The following SMPDL3A variants were observed in gnomAD, a reference collection of about 807,000 sequenced individuals.
SMPDL3A encodes cyclic GMP-AMP phosphodiesterase SMPDL3A.
Under a neutral mutation model 38.5 loss-of-function variants are expected in SMPDL3A, and 39 were observed. The observed-to-expected ratio is 1.01, with a 90% CI of 0.78 to 1.32. The LOEUF (loss-of-function observed/expected upper bound fraction) is 1.32, where lower values mean the gene tolerates loss of function less well. Among genes scored for constraint, SMPDL3A ranks in the 40% most tolerant of loss-of-function variants. The probability of loss-of-function intolerance (pLI) is 0.00; values close to 1 mark genes in which losing one functional copy is unlikely to be tolerated. For synonymous variants in SMPDL3A, 180 were observed against 194.3 expected (o/e 0.93, Z 0.61); for missense variants, 502 against 536.2 (o/e 0.94, Z 0.63).
At chr6:122,793,834 C>G (rs1488528470) in intron 1 of SMPDL3A, among the ~76,000 whole-genome samples, 1 of 152,100 alleles carries the variant, frequency 6.6e-6, no homozygotes, top group East Asian at 1.9e-4. Context: ...GGGTTTTATT[C>G]AGTTGTAACA....
At chr6:122,789,501 G>C (rs1202012913) in intron 1 of SMPDL3A, 43 bp downstream of exon 1, 2 of 1,482,894 alleles carry the variant, frequency 1.3e-6, no homozygotes, top group Non-Finnish European at 1.8e-6. Context: ...GGCAAAGAGC[G>C]CGGAGCGGCG....
chr6:122,789,659 C>G (rs1780999895), intron 1 of SMPDL3A: 1 of 311,340 alleles, frequency 3.2e-6, no homozygotes, highest in South Asian at 1.3e-4. Flanking sequence ...GGGCGTCCAG[C>G]CGGGAGGCCG....
At chr6:122,807,280 C>T (rs1006450279) in intron 7 of SMPDL3A, among the ~76,000 whole-genome samples, 8 of 152,108 alleles carry the variant, frequency 5.3e-5, no homozygotes, top group African/African-American at 1.9e-4. Flanking sequence ...GGGTGGATCA[C>T]GAGGTCAGGA....
intron 6 of SMPDL3A, among the ~76,000 whole-genome samples, chr6:122,805,592 C>T (rs932668540): frequency 6.6e-6 from 1 of 152,192 alleles, no homozygotes; most frequent in Non-Finnish European, 1.5e-5. Context: ...ATGTACTCAA[C>T]ACTCACATTC....
intron 1 of SMPDL3A, 39 bp downstream of exon 1, chr6:122,789,497 G>C: frequency 1.3e-6 from 2 of 1,500,578 alleles, no homozygotes; most frequent in East Asian, 2.5e-5. Context: ...AGCCGGCAAA[G>C]AGCGCGGAGC....
intron 2 of SMPDL3A, 65 bp from the exon 3 acceptor site, chr6:122,796,759 A>T (rs1194972106): frequency 1.4e-6 from 2 of 1,401,756 alleles, no homozygotes; most frequent in East Asian, 4.6e-5. Context: ...GCAACGCATC[A>T]TGCATAAGTC....
Position 122,804,916 on chromosome 6 carries a change from T to TCATA in SMPDL3A, c.747_750dup (p.Ala251HisfsTer23), listed in dbSNP as rs1207725959. Reference sequence around the variant, plus strand: ...TTGTGTTTCTTTTTCCAGGTGTATATCATAGCACATGTTCCAGTGGGGTAT... The same window carrying TCATA: ...TTGTGTTTCTTTTTCCAGGTGTATATCATACATAGCACATGTTCCAGTGGGGTAT... On this transcript the variant is annotated frameshift_variant, in exon 6 of 8. Coordinates refer to ENST00000368440, the MANE Select transcript of SMPDL3A (RefSeq NM_006714.5). LOFTEE classifies it high-confidence loss of function. 6.2e-7 allele frequency: 1 copy of TCATA among 1,611,024 alleles called. No individual in the cohort carries two copies. Among genetic ancestry groups the TCATA allele is most frequent in the African/African-American group, 1.3e-5 (1 of 74,938 alleles).
intron 1 of SMPDL3A, among the ~76,000 whole-genome samples, chr6:122,790,089 G>A (rs187769559): frequency 2.4e-3 from 372 of 152,240 alleles, no homozygotes; most frequent in Middle Eastern, 0.01. Context: ...CTGCGGGCGG[G>A]ACCCATTTTA....
At chr6:122,806,464 G>A in intron 7 of SMPDL3A, 107 bp downstream of exon 7, 3 of 1,109,784 alleles carry the variant, frequency 2.7e-6, no homozygotes, top group Admixed American at 2.3e-5. Flanking sequence ...TGTATTTTAT[G>A]TTGAAATCTC....
intron 4 of SMPDL3A, 116 bp from the exon 5 acceptor site, chr6:122,803,548 C>T (rs907288569): frequency 4.2e-6 from 3 of 722,408 alleles, no homozygotes; most frequent in South Asian, 3.8e-5. Context: ...GCAAACTAAA[C>T]AATGAGAAAT....
chr6:122,794,231 C>T (rs980379199), intron 1 of SMPDL3A, among the ~76,000 whole-genome samples: 4 of 152,038 alleles, frequency 2.6e-5, no homozygotes, highest in African/African-American at 9.7e-5. Context: ...TATCACAGTG[C>T]CTGGCACATA....
chr6:122,789,525 G>A (rs1780991658), intron 1 of SMPDL3A, 67 bp downstream of exon 1: 1 of 1,359,312 alleles, frequency 7.4e-7, no homozygotes. Flanking sequence ...CCTGCGCACA[G>A]CAGGAGAAAG....
In SMPDL3A at chr6:122,789,271, G is replaced by A; in HGVS notation, c.-76G>A. 2 of 1,050,574 alleles carry A rather than the reference G, an allele frequency of 1.9e-6. No homozygotes were observed. The highest frequency in any genetic ancestry group is 2.7e-6 in the Non-Finnish European group (2 of 731,794). 65.1% of individuals were successfully genotyped at this position (1,050,574 alleles called of 1,614,324 possible). ...ACACCCGCAGCCGTCTTCTGTCTCC[G>A]CCTCACCCTCAGGCCTGACGGTCCG... On this transcript the variant is annotated 5_prime_UTR_variant, in exon 1 of 8. Coordinates refer to ENST00000368440, the MANE Select transcript of SMPDL3A (RefSeq NM_006714.5).
rs772022463 is a variant in SMPDL3A, at chr6:122,806,221, C to A, written c.920-12C>A. ...TTAAAAATGTATGTTTATGTGCATA[C>A]GTTTTGTTCAGGAAGTCCAGTAAAT... On this transcript the variant is annotated splice_polypyrimidine_tract_variant and intron_variant, in intron 6 of 7. Transcript: ENST00000368440. 1 of 1,606,054 alleles carries A rather than the reference C, an allele frequency of 6.2e-7. No individual in the cohort carries two copies. The highest frequency in any genetic ancestry group is 1.7e-5 in the Admixed American group (1 of 59,450).
rs746199939 is a variant in SMPDL3A at position 122,803,755 on chromosome 6, A to G, written c.660A>G (p.Thr220=). The stretch of plus-strand genomic sequence containing the variant: ...TGTACTACGGCCCAAATATAATGAC[A>G]CTGAACAAGACTGACCCAGCCAACC... ...TNLYYGPNIM[T]LNKTDPANQF... is the part of the protein sequence containing the mutation. The change falls in exon 5 of 8, where the codon ACA becomes ACG. Residue 220 remains threonine, a synonymous_variant. Coordinates refer to ENST00000368440, the MANE Select transcript of SMPDL3A (RefSeq NM_006714.5). 2.5e-6 allele frequency: 4 copies of G among 1,613,968 alleles called. No homozygotes were observed. The East Asian group carries it at 6.7e-5, about 27-fold the overall frequency.
chr6:122,808,427 C>T (rs943604962), intron 7 of SMPDL3A, among the ~76,000 whole-genome samples: 1 of 152,168 alleles, frequency 6.6e-6, no homozygotes, highest in African/African-American at 2.4e-5. Context: ...GCCTTCAGCA[C>T]ACCACTGATA....
intron 6 of SMPDL3A, among the ~76,000 whole-genome samples, chr6:122,805,796 T>C (rs1221932831): frequency 6.6e-6 from 1 of 152,168 alleles, no homozygotes; most frequent in Non-Finnish European, 1.5e-5. Flanking sequence ...AATTTCACCA[T>C]GTTGGCCAGG....
intron 1 of SMPDL3A, 59 bp from the exon 2 acceptor site, chr6:122,795,618 T>C (rs1410829031): frequency 2.3e-6 from 3 of 1,287,452 alleles, no homozygotes; most frequent in Non-Finnish European, 3.3e-6. Context: ...ATAAATATTT[T>C]TATGAGAATT....
intron 4 of SMPDL3A, 33 bp downstream of exon 4, chr6:122,801,439 CT>C: frequency 6.9e-7 from 1 of 1,442,712 alleles, no homozygotes. Flanking sequence ...CCTATTTTGC[CT>C]CAATTTTTAT....
Sources: allele counts gnomAD v4.1 joint callset (sites outside exome capture counted in the v4.1 genomes callset), GRCh38; gene constraint gnomAD v4.1.1; transcripts MANE v1.5; gene names NCBI Gene and HGNC (gene_info 2026-07-23, HGNC 2026-07-21).